The following CLDN18 variants were observed in gnomAD, a reference collection of about 807,000 sequenced individuals.
CLDN18 encodes the protein claudin 18.
CLDN18 carries 20 observed loss-of-function variants against 25.0 expected under a neutral mutation model. The ratio of observed to expected loss-of-function variants is 0.80; its 90% CI spans 0.56 to 1.16. The LOEUF (loss-of-function observed/expected upper bound fraction) is 1.16. Ranked by LOEUF, CLDN18 falls within the 50% of genes most tolerant of loss-of-function variation. The pLI is 0.00. For missense variants in CLDN18, 297 were observed against 345.4 expected (o/e 0.86, Z 1.11); for synonymous variants, 125 against 135.6 (o/e 0.92, Z 0.54).
chr3:138,009,930 G>C, upstream of CLDN18: 1 of 382,268 alleles, frequency 2.6e-6, no homozygotes, highest in Non-Finnish European at 4.8e-6. Flanking sequence ...AGGGAGGCCG[G>C]TCTGGCCCGG....
At chr3:138,013,612 G>A (rs1942166764) in intron 1 of CLDN18, among the ~76,000 whole-genome samples, 1 of 152,204 alleles carries the variant, frequency 6.6e-6, no homozygotes, top group Admixed American at 6.5e-5. Context: ...GGAGCTGGGA[G>A]ATGTAGGAGC....
intron 1 of CLDN18, among the ~76,000 whole-genome samples, chr3:138,017,894 T>G (rs2107882870): frequency 6.6e-6 from 1 of 152,276 alleles, no homozygotes; most frequent in Non-Finnish European, 1.5e-5. Flanking sequence ...AACCTGCAAC[T>G]TAGGTAAATG....
exon 1 of CLDN18, chr3:137,998,905 G>T: frequency 1.2e-6 from 2 of 1,614,244 alleles, no homozygotes; most frequent in Non-Finnish European, 1.7e-6. Context: ...GGGGTTCGTG[G>T]TTTCACTGAT....
At chr3:138,026,518 G>T (rs764875220) in intron 3 of CLDN18, among the ~76,000 whole-genome samples, 1 of 152,062 alleles carries the variant, frequency 6.6e-6, no homozygotes, top group African/African-American at 2.4e-5. Context: ...GGTGGCAGGC[G>T]CCTGTAGTCC....
upstream of CLDN18, among the ~76,000 whole-genome samples, chr3:138,008,971 G>GC (rs113843446): frequency 0.012 from 1,790 of 152,190 alleles, 26 homozygotes; most frequent in African/African-American, 0.04. Context: ...GACATACCTG[G>GC]CCCCCATATC....
At chr3:138,022,440 CA>C (rs1445184224) in intron 1 of CLDN18, among the ~76,000 whole-genome samples, 1 of 152,186 alleles carries the variant, frequency 6.6e-6, no homozygotes. Context: ...ACATTTATAA[CA>C]ATTTGACATG....
At chr3:138,001,139 G>A (rs1036313596) in intron 1 of CLDN18, among the ~76,000 whole-genome samples, 2 of 152,224 alleles carry the variant, frequency 1.3e-5, no homozygotes, top group Non-Finnish European at 2.9e-5. Context: ...CTTGCCCAAG[G>A]ACACTTGCAG....
chr3:138,022,367 C>T (rs1411666178), intron 1 of CLDN18, among the ~76,000 whole-genome samples: 1 of 152,142 alleles, frequency 6.6e-6, no homozygotes, highest in African/African-American at 2.4e-5. Flanking sequence ...CAAGCTGGCC[C>T]ACAAACTATG....
intron 1 of CLDN18, among the ~76,000 whole-genome samples, chr3:138,003,662 G>A (rs1314305216): frequency 2.0e-5 from 3 of 151,982 alleles, no homozygotes; most frequent in African/African-American, 7.3e-5. Flanking sequence ...TATAATACAG[G>A]CTTCTAGATG....
chr3:137,999,835 C>T lies in CLDN18; in HGVS notation c.220+747C>T, dbSNP rs897326232. ...TTGCTTAGTAGATTGGTCATTTTAA[C>T]TAGAAGAAAAATTCAAGTCACAAGA... On this transcript the variant is annotated intron_variant, in intron 1 of 4. Coordinates refer to the CLDN18 transcript ENST00000343735. 1.4e-4 allele frequency among the ~76,000 whole-genome samples: 21 copies of T among 152,168 alleles called. 1 individual carries two copies. The highest frequency in any genetic ancestry group is 2.9e-5 in the Non-Finnish European group (2 of 68,036).
At chr3:138,021,078 T>C (rs1010353522) in intron 1 of CLDN18, among the ~76,000 whole-genome samples, 1 of 151,946 alleles carries the variant, frequency 6.6e-6, no homozygotes, top group African/African-American at 2.4e-5. Context: ...ATTGTAGGGG[T>C]TTTTTCCCCA....
chr3:138,031,847 C>T lies in CLDN18; in HGVS notation c.*706C>T, dbSNP rs928343259. The T allele has an allele frequency of 4.0e-5, 6 of 151,822 alleles. No homozygotes were observed. Among genetic ancestry groups the T allele is most frequent in the Non-Finnish European group, 7.4e-5 (5 of 67,974 alleles). The allele number at this position is 151,822 out of a possible 1,614,324, so 9.4% of individuals were successfully genotyped here. On this transcript the variant is annotated 3_prime_UTR_variant, in exon 5 of 5. Coordinates refer to ENST00000183605, the MANE Select transcript of CLDN18 (RefSeq NM_016369.4). ...TTTCTGTCGCGGGTCAGAAATTGTC[C>T]CTAGATGAATGAGAAAATTATTTTT...
chr3:138,028,347 G>T (rs1242318526), intron 3 of CLDN18, among the ~76,000 whole-genome samples: 1 of 152,148 alleles, frequency 6.6e-6, no homozygotes, highest in Non-Finnish European at 1.5e-5. Context: ...TTATAGGCGT[G>T]AGCCACCACA....
upstream of CLDN18, among the ~76,000 whole-genome samples, chr3:138,009,146 G>A (rs1326745376): frequency 2.0e-5 from 3 of 152,166 alleles, no homozygotes; most frequent in Non-Finnish European, 2.9e-5. Flanking sequence ...ATCTGAAAAG[G>A]CTCTGGAGTG....
chr3:138,010,418 C>A lies in CLDN18; in HGVS notation c.193C>A (p.Pro65Thr), dbSNP rs781145268. The A allele has an allele frequency of 6.2e-7, 1 of 1,614,198 alleles. No homozygotes were observed. Among genetic ancestry groups the A allele is most frequent in the Non-Finnish European group, 8.5e-7 (1 of 1,180,024 alleles). ...RQSSGFTECR[P>T]YFTILGLPAM... ...GAGTTCAGGCTTCACCGAATGCAGG[C>A]CCTATTTCACCATCCTGGGACTTCC... Residue 65 changes from proline (P) to threonine (T), a missense_variant, in exon 1 of 5, where the codon CCC becomes ACC. Physicochemically the swap from Pro to Thr is conservative, Grantham distance 38. Coordinates refer to ENST00000183605, the MANE Select transcript of CLDN18 (RefSeq NM_016369.4).
At chr3:138,026,685 G>A in intron 3 of CLDN18, among the ~76,000 whole-genome samples, 1 of 152,068 alleles carries the variant, frequency 6.6e-6, no homozygotes, top group Admixed American at 6.5e-5. Context: ...TTAAGGGCTG[G>A]TTTTCTCAGA....
upstream of CLDN18, among the ~76,000 whole-genome samples, chr3:138,005,393 C>T (rs1942058966): frequency 6.6e-6 from 1 of 151,972 alleles, no homozygotes; most frequent in African/African-American, 2.4e-5. Context: ...CCCGTGCCAC[C>T]CACCCCCCTA....
intron 1 of CLDN18, among the ~76,000 whole-genome samples, chr3:138,010,973 A>C (rs1942131309): frequency 6.6e-6 from 1 of 152,220 alleles, no homozygotes; most frequent in Non-Finnish European, 1.5e-5. Context: ...ATTTGTATTA[A>C]GAATATCTTG....
At position 138,010,292 on chromosome 3, in the gene CLDN18, G is replaced by A. The variant is rs748868334; in HGVS notation, c.67G>A (p.Ala23Thr). The A allele has an allele frequency of 3.7e-6, 6 of 1,614,048 alleles. No individual in the cohort carries two copies. In the African/African-American group the frequency reaches 4.0e-5, roughly 11 times the overall value. Residue 23 changes from alanine to threonine, a missense_variant, in exon 1 of 5, where the codon GCG (alanine) becomes ACG (threonine). Physicochemically the swap from Ala to Thr is moderately conservative, Grantham distance 58. Coordinates refer to ENST00000183605, the MANE Select transcript of CLDN18 (RefSeq NM_016369.4). ...CATCCTGGGGCTGGCCGGCTGCATC[G>A]CGGCCACCGGGATGGACATGTGGAG... ...LSILGLAGCI[A>T]ATGMDMWSTQ...
Sources: allele counts gnomAD v4.1 joint callset (sites outside exome capture counted in the v4.1 genomes callset), GRCh38; gene constraint gnomAD v4.1.1; transcripts MANE v1.5; gene names NCBI Gene and HGNC (gene_info 2026-07-23, HGNC 2026-07-21).